PROSER1: variants seen among roughly 807,000 people sequenced by gnomAD.
PROSER1 encodes the protein proline and serine rich 1, also known as proline and serine-rich protein 1.
PROSER1 carries 36 observed loss-of-function variants against 71.8 expected under a neutral mutation model. The observed-to-expected ratio is 0.50, with a 90% CI of 0.38 to 0.66. The LOEUF (loss-of-function observed/expected upper bound fraction) is 0.66. Among genes scored for constraint, PROSER1 ranks in the 30% least tolerant of loss-of-function variants. PROSER1 has a pLI of 0.00. For missense variants in PROSER1, 1,107 were observed against 1,135.0 expected, an observed-to-expected ratio of 0.98 and a Z score of 0.35; for synonymous variants, 490 against 452.4, an observed-to-expected ratio of 1.08 and a Z score of -1.06.
chr13:39,016,312 C>T (rs572202814), intron 10 of PROSER1, among the ~76,000 whole-genome samples: 2 of 152,322 alleles, frequency 1.3e-5, no homozygotes, highest in South Asian at 2.1e-4. Context: ...GAGATAGAAA[C>T]TAACACCCTC....
At chr13:39,032,871 A>G (rs185075518) in intron 2 of PROSER1, among the ~76,000 whole-genome samples, 91 of 152,150 alleles carry the variant, frequency 6.0e-4, no homozygotes, top group African/African-American at 1.1e-3. Context: ...TACACCCAAG[A>G]AAAAAAATGC....
chr13:39,020,030 T>C (rs1243715807), intron 9 of PROSER1, among the ~76,000 whole-genome samples: 2 of 149,770 alleles, frequency 1.3e-5, no homozygotes, highest in African/African-American at 4.9e-5. Context: ...AGTAAGACTA[T>C]AACTCAGCTG....
At chr13:39,015,167 C>A (rs772080531) in intron 10 of PROSER1, among the ~76,000 whole-genome samples, 1 of 152,158 alleles carries the variant, frequency 6.6e-6, no homozygotes, top group Non-Finnish European at 1.5e-5. Flanking sequence ...GTCTGCTGGG[C>A]TGGATATATC....
chr13:39,034,011 G>C (rs114567620), intron 2 of PROSER1, 120 bp downstream of exon 2: 22 of 633,380 alleles, frequency 3.5e-5, no homozygotes, highest in Non-Finnish European at 4.2e-5. Context: ...AGAGCTTCTC[G>C]AGTTCTTGAA....
At chr13:39,035,552 A>C (rs17059035) in intron 1 of PROSER1, among the ~76,000 whole-genome samples, 2,349 of 152,322 alleles carry the variant, frequency 0.015, 59 homozygotes, top group African/African-American at 0.054. Context: ...ACAGGCTCAC[A>C]AAGTAAGTGC....
chr13:39,022,922 C>T (rs1302182960), intron 8 of PROSER1, 130 bp downstream of exon 8: 22 of 658,916 alleles, frequency 3.3e-5, no homozygotes, highest in Middle Eastern at 5.4e-4. Context: ...TAACTATGGG[C>T]ATAATTAAGC....
chr13:39,037,169 A>T, intron 1 of PROSER1, 29 bp downstream of exon 1: 1 of 1,514,232 alleles, frequency 6.6e-7, no homozygotes, highest in Non-Finnish European at 9.2e-7. Flanking sequence ...TTCATCTCAT[A>T]AAATAATTCA....
Position 39,023,136 on chromosome 13 carries a change from A to C in PROSER1, c.565-6T>G, listed in dbSNP as rs756586458. The C allele has an allele frequency of 6.2e-6, 10 of 1,608,772 alleles. No homozygotes were observed. Among genetic ancestry groups the C allele is most frequent in the Non-Finnish European group, 6.0e-6 (7 of 1,175,424 alleles). ...GGATTATATGTTGAAGGAGGCTAAA[A>C]CATGGGGGAAAATACAGCAGTTAGA... On this transcript the variant is annotated splice_polypyrimidine_tract_variant and splice_region_variant and intron_variant, in intron 7 of 12. Coordinates refer to ENST00000352251, the MANE Select transcript of PROSER1 (RefSeq NM_025138.5).
At chr13:39,029,218 C>T in intron 4 of PROSER1, 63 bp downstream of exon 4, 2 of 930,340 alleles carry the variant, frequency 2.1e-6, no homozygotes, top group South Asian at 3.4e-5. Flanking sequence ...TAATTAGACA[C>T]TTAAAACGCT....
chr13:39,030,291 T>G (rs1870775145), intron 3 of PROSER1, among the ~76,000 whole-genome samples: 1 of 152,224 alleles, frequency 6.6e-6, no homozygotes, highest in Non-Finnish European at 1.5e-5. Context: ...ATGGAAATAT[T>G]TATTACGTAA....
intron 9 of PROSER1, among the ~76,000 whole-genome samples, chr13:39,021,332 T>C (rs1870280332): frequency 6.6e-6 from 1 of 152,152 alleles, no homozygotes; most frequent in African/African-American, 2.4e-5. Context: ...GTCAGAAAGG[T>C]GCCTACCCTA....
chr13:39,030,174 T>C (rs1002875569), intron 3 of PROSER1, among the ~76,000 whole-genome samples: 5 of 152,206 alleles, frequency 3.3e-5, no homozygotes, highest in Admixed American at 2.0e-4. Context: ...GTTTTTAAAT[T>C]GATACCTAAC....
intron 9 of PROSER1, among the ~76,000 whole-genome samples, chr13:39,019,862 C>T (rs889100803): frequency 6.6e-6 from 1 of 151,352 alleles, no homozygotes; most frequent in Admixed American, 6.6e-5. Flanking sequence ...AAAAATTCAG[C>T]TATACACAAT....
chr13:39,015,015 C>A (rs1293465734), intron 10 of PROSER1, among the ~76,000 whole-genome samples: 2 of 151,462 alleles, frequency 1.3e-5, no homozygotes, highest in African/African-American at 2.4e-5. Context: ...CACCCCCATA[C>A]ATTTGCTCAT....
At position 39,012,916 on chromosome 13, in the gene PROSER1, C is replaced by A; in HGVS notation, c.2336G>T (p.Gly779Val). ...GGAGGGATTTGAAGATGACAGAGGT[C>A]CTTGAGTAACAGAGAAAAGTGAGGG... ...AVPSLFSVTQ[G>V]PLSSSNPSYP... Residue 779 changes from glycine (G) to valine (V), a missense_variant, in exon 11 of 13, where the codon GGA becomes GTA. By Grantham distance (109) the Gly-to-Val change is moderately radical. Coordinates refer to ENST00000352251, the MANE Select transcript of PROSER1 (RefSeq NM_025138.5). The A allele has an allele frequency of 1.9e-6, 3 of 1,613,994 alleles. No individual in the cohort carries two copies. The highest frequency in any genetic ancestry group is 2.5e-6 in the Non-Finnish European group (3 of 1,179,998).
intron 9 of PROSER1, 143 bp downstream of exon 9, chr13:39,022,183 T>C: frequency 3.1e-6 from 2 of 638,858 alleles, no homozygotes; most frequent in Non-Finnish European, 5.7e-6. Context: ...CTGTCCCACA[T>C]TACCAAGGAT....
Position 39,034,164 on chromosome 13 carries a change from A to C in PROSER1, c.78T>G (p.Ile26Met). Reference sequence around the variant, plus strand: ...TAGAAAAGTATCCATGCACATATTCAATTGCTTTTAATTTGTATTCTGTCA... The same window carrying C: ...TAGAAAAGTATCCATGCACATATTCCATTGCTTTTAATTTGTATTCTGTCA... ...AVLTEYKLKA[I>M]EYVHGYFSSE... The change falls in exon 2 of 13, where the codon ATT (isoleucine) becomes ATG (methionine). Residue 26 changes from isoleucine (I) to methionine (M), a missense_variant. Transcript: ENST00000352251. 6.3e-7 allele frequency: 1 copy of C among 1,588,976 alleles called. No homozygotes were observed. The highest frequency in any genetic ancestry group is 1.2e-5 in the South Asian group (1 of 85,482).
At chr13:39,018,480 A>T (rs193249990) in intron 9 of PROSER1, among the ~76,000 whole-genome samples, 20 of 136,064 alleles carry the variant, frequency 1.5e-4, no homozygotes, top group Non-Finnish European at 2.3e-4. Flanking sequence ...CCCGACACAC[A>T]CACACACACA....
intron 5 of PROSER1, 90 bp downstream of exon 5, chr13:39,028,137 A>C (rs1870630737): frequency 1.5e-6 from 1 of 686,154 alleles, no homozygotes; most frequent in Non-Finnish European, 2.6e-6. Flanking sequence ...CAAGTTATTC[A>C]CCAAAGTTAG....
Sources: gnomAD v4.1 joint callset for allele counts (sites outside exome capture counted in the v4.1 genomes callset) on GRCh38, gnomAD v4.1.1 for gene constraint, MANE v1.5 for transcripts, NCBI Gene and HGNC (gene_info 2026-07-23, HGNC 2026-07-21) for gene names.